Variants in LIPG observed in about 807,000 individuals in gnomAD.
LIPG encodes endothelial lipase.
Under a neutral mutation model 51.8 loss-of-function variants are expected in LIPG, and 34 were observed. The ratio of observed to expected loss-of-function variants is 0.66; its 90% CI spans 0.50 to 0.87. The LOEUF (loss-of-function observed/expected upper bound fraction) is 0.87, where lower values mean the gene tolerates loss of function less well. Among genes scored for constraint, LIPG ranks in the 40% least tolerant of loss-of-function variants. LIPG has a pLI of 0.00. For synonymous variants in LIPG, 246 were observed against 246.1 expected, an observed-to-expected ratio of 1.00 and a Z score of 0.00; for missense variants, 580 against 652.7, an observed-to-expected ratio of 0.89 and a Z score of 1.21.
Position 49,581,461 on chromosome 18 carries a change from C to G in LIPG, c.840C>G (p.Leu280=), listed in dbSNP as rs945256116. Residue 280 remains leucine (L), a synonymous_variant, in exon 6 of 10, where the codon CTC becomes CTG. Transcript: ENST00000261292. ...VKCEHERAVH[L]FVDSLVNQDK... is the part of the protein sequence containing the mutation. ...GTGAGCATGAGCGAGCCGTCCACCT[C>G]TTTGTTGACTCTCTGGTGAATCAGG... The G allele has an allele frequency of 1.2e-5, 20 of 1,614,088 alleles. No individual in the cohort carries two copies. The highest frequency in any genetic ancestry group is 1.7e-5 in the Non-Finnish European group (20 of 1,180,054).
In LIPG at chr18:49,581,556, G is replaced by C. The variant is rs982493840; in HGVS notation, c.935G>C (p.Arg312Pro). Residue 312 changes from arginine (R) to proline (P), a missense_variant, in exon 6 of 10, where the codon CGC becomes CCC. Arg to Pro is a moderately radical substitution (Grantham distance 103, BLOSUM62 -2). Transcript: ENST00000261292. ...AAAAAGGGGATCTGTCTGAGCTGCC[G>C]CAAGAACCGTTGTAATAGCATTGGC... Reference protein sequence around the residue: ...RFKKGICLSCRKNRCNSIGYN... With the variant: ...RFKKGICLSCPKNRCNSIGYN... 5 of 1,614,188 alleles carry C rather than the reference G, an allele frequency of 3.1e-6. No homozygotes were observed. Among genetic ancestry groups the C allele is most frequent in the Non-Finnish European group, 2.5e-6 (3 of 1,180,030 alleles).
intron 8 of LIPG, among the ~76,000 whole-genome samples, chr18:49,585,809 CT>C (rs1289223518): frequency 6.6e-6 from 1 of 152,204 alleles, no homozygotes; most frequent in Non-Finnish European, 1.5e-5. Flanking sequence ...CTTTTCCCTC[CT>C]TTTCACCCAG....
intron 9 of LIPG, among the ~76,000 whole-genome samples, chr18:49,588,480 G>A (rs1018159264): frequency 1.1e-4 from 16 of 151,948 alleles, no homozygotes; most frequent in Admixed American, 2.0e-4. Context: ...ATGGGTTTTC[G>A]CCATGTTGGC....
In LIPG at chr18:49,596,007, G is replaced by T. The variant is rs537791594; in HGVS notation, c.*5485G>T. 6.6e-6 allele frequency: 1 copy of T among 152,214 alleles called. No homozygotes were observed. The highest frequency in any genetic ancestry group is 1.9e-4 in the East Asian group (1 of 5,180). The allele number at this position is 152,214 out of a possible 1,614,324, so 9.4% of individuals were successfully genotyped here. On this transcript the variant is annotated 3_prime_UTR_variant, in exon 10 of 10. Coordinates refer to ENST00000261292, the MANE Select transcript of LIPG (RefSeq NM_006033.4). ...TCCTATTTTAACACGCAACAAAGATGAATTCCAAAATACCTATTGGGTACT... is the reference window on the plus strand; with the variant it reads ...TCCTATTTTAACACGCAACAAAGATTAATTCCAAAATACCTATTGGGTACT...
At position 49,592,553 on chromosome 18, in the gene LIPG, T is replaced by G. The variant is rs3786247; in HGVS notation, c.*2031T>G. 20,733 of 153,898 alleles carry G rather than the reference T, an allele frequency of 0.13. 2,387 individuals are homozygous for G. Among genetic ancestry groups the G allele is most frequent in the East Asian group, 0.42 (2,258 of 5,316 alleles). The allele number at this position is 153,898 out of a possible 1,614,324, so 9.5% of individuals were successfully genotyped here. ...ACTTATGTGAGGGGTTTTCCCATTTTTTGTCTTGTTGGTGCTCAAAAAGTT... is the reference window on the plus strand; with the variant it reads ...ACTTATGTGAGGGGTTTTCCCATTTGTTGTCTTGTTGGTGCTCAAAAAGTT... On this transcript the variant is annotated 3_prime_UTR_variant, in exon 10 of 10. Coordinates refer to ENST00000261292, the MANE Select transcript of LIPG (RefSeq NM_006033.4).
Position 49,575,729 on chromosome 18 carries a change from A to G in LIPG, c.793+139A>G. Reference sequence around the variant, plus strand: ...CACAGAGGCCTCCAATGCTGTATTTAATATTTCTCATTGTTCCCCAAGACT... The same window carrying G: ...CACAGAGGCCTCCAATGCTGTATTTGATATTTCTCATTGTTCCCCAAGACT... On this transcript the variant is annotated intron_variant, in intron 5 of 9. Coordinates refer to ENST00000261292, the MANE Select transcript of LIPG (RefSeq NM_006033.4). The G allele has an allele frequency of 2.1e-5, 16 of 761,838 alleles. No individual in the cohort carries two copies. In the South Asian group the frequency reaches 2.3e-4, roughly 11 times the overall value. The allele number at this position is 761,838 out of a possible 1,614,324, so 47.2% of individuals were successfully genotyped here. A position where few individuals can be genotyped will look rare whatever the true frequency, so the allele number is the denominator to read the frequency against.
At position 49,590,505 on chromosome 18, in the gene LIPG, A is replaced by T; in HGVS notation, c.1486A>T (p.Thr496Ser). The T allele has an allele frequency of 6.2e-7, 1 of 1,602,804 alleles. No individual in the cohort carries two copies. The highest frequency in any genetic ancestry group is 8.5e-7 in the Non-Finnish European group (1 of 1,173,556). Residue 496 changes from threonine to serine, a missense_variant, in exon 10 of 10, where the codon ACT becomes TCT. Transcript: ENST00000261292. The part of the protein sequence containing the change: ...GWRMKNETSP[T>S]VELP ...CTCTCACACGGTTTCTTTCAGTCCC[A>T]CTGTGGAGCTTCCCTGAGGGTGCCC...
At chr18:49,561,655 A>G, upstream of LIPG, 1 of 1,231,022 alleles carries the variant, frequency 8.1e-7, no homozygotes. Flanking sequence ...GACCACTCCC[A>G]GAGAGAGTGT....
chr18:49,583,079 G>T (rs1314169926), intron 7 of LIPG, among the ~76,000 whole-genome samples: 2 of 152,204 alleles, frequency 1.3e-5, no homozygotes, highest in African/African-American at 4.8e-5. Flanking sequence ...ACAGGAAGAG[G>T]CTAGGAGTTT....
intron 4 of LIPG, among the ~76,000 whole-genome samples, chr18:49,572,786 C>T (rs560991536): frequency 6.6e-6 from 1 of 151,454 alleles, no homozygotes; most frequent in Admixed American, 6.6e-5. Context: ...CCTGCCCTGC[C>T]GGGCCAGAAT....
At chr18:49,587,978 C>T (rs944163174) in intron 9 of LIPG, among the ~76,000 whole-genome samples, 25 of 152,104 alleles carry the variant, frequency 1.6e-4, no homozygotes, top group African/African-American at 3.4e-4. Flanking sequence ...TTTGCAGAGA[C>T]GGGGTTTCAC....
chr18:49,578,122 AC>A (rs375560496), intron 5 of LIPG, among the ~76,000 whole-genome samples: 71,748 of 93,154 alleles, frequency 0.77, 26,461 homozygotes, highest in African/African-American at 0.9. Flanking sequence ...CGGGGGGCTG[AC>A]CCCCCCCCAC....
Position 49,583,719 on chromosome 18 carries a change from G to T in LIPG, c.1321G>T (p.Gly441Ter). 1 of 1,614,114 alleles carries T rather than the reference G, an allele frequency of 6.2e-7. No homozygotes were observed. The highest frequency in any genetic ancestry group is 8.5e-7 in the Non-Finnish European group (1 of 1,180,032). The change falls in exon 8 of 10, where the codon GGA (glycine) becomes TGA (stop). Residue 441 changes from glycine (G) to a stop codon, truncating the protein, a stop_gained. Transcript: ENST00000261292. LOFTEE classifies it high-confidence loss of function. Reference sequence around the variant, plus strand: ...CTACCTGTCTCAACCCCGCAACCCCGGACGGGAGCTGAATATCAGGCGCAT... The same window carrying T: ...CTACCTGTCTCAACCCCGCAACCCCTGACGGGAGCTGAATATCAGGCGCAT... ...RSYLSQPRNP[G>*]RELNIRRIRV...
In LIPG at chr18:49,590,920, C is replaced by A. The variant is rs1325037208; in HGVS notation, c.*398C>A. ...GTGTAGAAGGCTGTCAGCTGCTCAG[C>A]CTGCTTTGAGCCTCAGTGAGAAGTC... is the stretch of plus-strand genomic sequence containing the variant. On this transcript the variant is annotated 3_prime_UTR_variant, in exon 10 of 10. Coordinates refer to ENST00000261292, the MANE Select transcript of LIPG (RefSeq NM_006033.4). The A allele has an allele frequency of 9.5e-6, 3 of 317,130 alleles. No individual in the cohort carries two copies. The highest frequency in any genetic ancestry group is 1.8e-5 in the Non-Finnish European group (3 of 162,728). The allele number at this position is 317,130 out of a possible 1,614,324, so 19.6% of individuals were successfully genotyped here.
At chr18:49,567,045 TG>T (rs2084612979) in intron 2 of LIPG, among the ~76,000 whole-genome samples, 1 of 152,172 alleles carries the variant, frequency 6.6e-6, no homozygotes, top group Non-Finnish European at 1.5e-5. Context: ...ATTCTAAAAT[TG>T]TCTGGGGGCA....
chr18:49,584,889 G>A (rs2084865536), intron 8 of LIPG, among the ~76,000 whole-genome samples: 1 of 152,150 alleles, frequency 6.6e-6, no homozygotes, highest in Non-Finnish European at 1.5e-5. Flanking sequence ...AATGTAAATA[G>A]TTTTCCATTT....
intron 5 of LIPG, among the ~76,000 whole-genome samples, chr18:49,580,199 A>G (rs1442225620): frequency 6.6e-6 from 1 of 152,204 alleles, no homozygotes; most frequent in East Asian, 1.9e-4. Context: ...CCCAGAAATT[A>G]TTTGGGCCAG....
intron 4 of LIPG, 24 bp downstream of exon 4, chr18:49,569,572 A>G (rs1422946290): frequency 1.3e-6 from 2 of 1,569,858 alleles, no homozygotes; most frequent in Non-Finnish European, 1.8e-6. Context: ...CCATCACTAA[A>G]GGGCTCCCTC....
At chr18:49,568,482 G>C (rs1476553519) in intron 3 of LIPG, among the ~76,000 whole-genome samples, 2 of 152,046 alleles carry the variant, frequency 1.3e-5, no homozygotes, top group Non-Finnish European at 2.9e-5. Flanking sequence ...CTGGGTTCAA[G>C]CAATTCTCCT....
Sources: gnomAD v4.1 joint callset for allele counts (sites outside exome capture counted in the v4.1 genomes callset) on GRCh38, gnomAD v4.1.1 for gene constraint, MANE v1.5 for transcripts, NCBI Gene and HGNC (gene_info 2026-07-23, HGNC 2026-07-21) for gene names.